Variants in FBXL5 observed in about 807,000 individuals in gnomAD.
The protein encoded by FBXL5 is F-box and leucine rich repeat protein 5.
FBXL5 carries 26 observed loss-of-function variants against 78.3 expected under a neutral mutation model. The ratio of observed to expected loss-of-function variants is 0.33; its 90% CI spans 0.24 to 0.46. The LOEUF is 0.46. Among genes scored for constraint, FBXL5 ranks in the 20% least tolerant of loss-of-function variants. The pLI, the probability that FBXL5 is intolerant of heterozygous loss-of-function variation, is 1.00. For synonymous variants in FBXL5, 295 were observed against 282.5 expected (o/e 1.04, Z -0.45); for missense variants, 710 against 829.2 (o/e 0.86, Z 1.77).
At chr4:15,680,765 G>A (rs1349337441) in intron 1 of FBXL5, among the ~76,000 whole-genome samples, 1 of 151,860 alleles carries the variant, frequency 6.6e-6, no homozygotes, top group East Asian at 1.9e-4. Flanking sequence ...GCTTGAGAAA[G>A]AGAAATGCTG....
chr4:15,623,001 A>G (rs1170987746), intron 9 of FBXL5, among the ~76,000 whole-genome samples: 1 of 152,204 alleles, frequency 6.6e-6, no homozygotes, highest in East Asian at 1.9e-4. Flanking sequence ...AAGGTTGATA[A>G]TATCAGAATT....
chr4:15,654,683 A>T (rs958640296), intron 1 of FBXL5, among the ~76,000 whole-genome samples: 2 of 152,162 alleles, frequency 1.3e-5, no homozygotes, highest in Non-Finnish European at 2.9e-5. Flanking sequence ...TAGCTGGGAG[A>T]CGCTGCAGTT....
intron 5 of FBXL5, among the ~76,000 whole-genome samples, chr4:15,635,914 C>G (rs972568126): frequency 4.6e-5 from 7 of 151,914 alleles, no homozygotes; most frequent in African/African-American, 1.7e-4. Context: ...AAGTAATTTA[C>G]TATAATGATA....
At chr4:15,659,440 T>C (rs1304542551), upstream of FBXL5, among the ~76,000 whole-genome samples, 1 of 152,196 alleles carries the variant, frequency 6.6e-6, no homozygotes, top group Admixed American at 6.5e-5. Context: ...ATTCCTAAAC[T>C]GGGTACTGGG....
upstream of FBXL5, chr4:15,656,198 G>T: frequency 2.2e-6 from 1 of 456,266 alleles, no homozygotes; most frequent in South Asian, 1.5e-5. Context: ...CATTTTAAGC[G>T]GAGGTTCGGA....
chr4:15,609,708 CTT>C (rs986573535), intron 10 of FBXL5, among the ~76,000 whole-genome samples: 2 of 151,980 alleles, frequency 1.3e-5, no homozygotes, highest in African/African-American at 2.4e-5. Context: ...GCTAAGAAGA[CTT>C]TTCAAATCTT....
At chr4:15,655,881 G>A (rs1171928487), upstream of FBXL5, among the ~76,000 whole-genome samples, 2 of 152,216 alleles carry the variant, frequency 1.3e-5, no homozygotes, top group African/African-American at 4.8e-5. Context: ...CTCAAAGGCC[G>A]GGCCTGGCTC....
chr4:15,675,469 C>T (rs1348861370), intron 1 of FBXL5, among the ~76,000 whole-genome samples: 1 of 151,992 alleles, frequency 6.6e-6, no homozygotes, highest in African/African-American at 2.4e-5. Flanking sequence ...CTAACTATTA[C>T]TTTCAAATTC....
chr4:15,608,190 A>C (rs1487771856), intron 10 of FBXL5, among the ~76,000 whole-genome samples: 4 of 152,162 alleles, frequency 2.6e-5, no homozygotes, highest in African/African-American at 4.8e-5. Context: ...CAGTAGCCTA[A>C]GAAAAATATG....
upstream of FBXL5, chr4:15,659,843 G>A (rs1717221206): frequency 2.0e-6 from 1 of 507,746 alleles, no homozygotes; most frequent in Admixed American, 6.4e-5. Context: ...CATGTGTATG[G>A]CCTGAGGGAA....
intron 8 of FBXL5, 79 bp downstream of exon 8, chr4:15,626,794 T>C: frequency 1.0e-6 from 1 of 1,004,462 alleles, no homozygotes; most frequent in South Asian, 1.6e-5. Context: ...AAAATAATAG[T>C]ATGATTAAAC....
Position 15,638,707 on chromosome 4 carries a change from A to T in FBXL5, c.397-13T>A. On this transcript the variant is annotated splice_polypyrimidine_tract_variant and intron_variant, in intron 3 of 10. Coordinates refer to ENST00000341285, the MANE Select transcript of FBXL5 (RefSeq NM_012161.4). ...TGGGCTGAAAAACCTAAATTAAACA[A>T]AATATTCACGAGGAAAGATGCTTCA... The T allele has an allele frequency of 6.6e-7, 1 of 1,516,874 alleles. No individual in the cohort carries two copies. Among genetic ancestry groups the T allele is most frequent in the South Asian group, 1.2e-5 (1 of 85,082 alleles). The allele number at this position is 1,516,874 out of a possible 1,614,324, so 94.0% of individuals were successfully genotyped here.
At chr4:15,635,053 C>G (rs1011635467) in intron 5 of FBXL5, among the ~76,000 whole-genome samples, 1 of 152,086 alleles carries the variant, frequency 6.6e-6, no homozygotes, top group Non-Finnish European at 1.5e-5. Flanking sequence ...TATACGTGGC[C>G]GGGCACGGTG....
At chr4:15,667,921 A>T (rs956025712) in intron 1 of FBXL5, among the ~76,000 whole-genome samples, 1 of 151,934 alleles carries the variant, frequency 6.6e-6, no homozygotes, top group Non-Finnish European at 1.5e-5. Context: ...GGTGCCTGTA[A>T]TCCCAGCTAC....
At chr4:15,636,162 T>C (rs1442126994) in intron 5 of FBXL5, among the ~76,000 whole-genome samples, 1 of 152,162 alleles carries the variant, frequency 6.6e-6, no homozygotes, top group African/African-American at 2.4e-5. Context: ...AACTTTTAAT[T>C]CTGAAAAACA....
At chr4:15,675,303 C>CA (rs143737664) in intron 1 of FBXL5, among the ~76,000 whole-genome samples, 2,427 of 152,092 alleles carry the variant, frequency 0.016, 62 homozygotes, top group African/African-American at 0.055. Flanking sequence ...ATATGGGAAG[C>CA]AAAATACTAG....
upstream of FBXL5, among the ~76,000 whole-genome samples, chr4:15,658,880 G>T (rs900244068): frequency 6.6e-6 from 1 of 152,158 alleles, no homozygotes; most frequent in Non-Finnish European, 1.5e-5. Flanking sequence ...GGACTCCAGA[G>T]ACTTAATTTT....
At position 15,638,533 on chromosome 4, in the gene FBXL5, A is replaced by C; in HGVS notation, c.558T>G (p.Tyr186Ter). 1 of 1,594,736 alleles carries C rather than the reference A, an allele frequency of 6.3e-7. No homozygotes were observed. The highest frequency in any genetic ancestry group is 8.5e-7 in the Non-Finnish European group (1 of 1,175,294). Residue 186 changes from tyrosine to a stop codon, truncating the protein, a stop_gained, in exon 4 of 11, where the codon TAT (tyrosine) becomes TAG (stop). Coordinates refer to ENST00000341285, the MANE Select transcript of FBXL5 (RefSeq NM_012161.4). LOFTEE classifies it high-confidence loss of function. ...CTTTATCTGACTTTTCATCCACGGA[A>C]TATTTAAAAAACTTCTGTCGCTCTT... ...HAEERQKFFK[Y>*]SVDEKSDKEA...
At chr4:15,613,686 C>T (rs1485813696) in intron 9 of FBXL5, among the ~76,000 whole-genome samples, 1 of 152,018 alleles carries the variant, frequency 6.6e-6, no homozygotes, top group Non-Finnish European at 1.5e-5. Flanking sequence ...TCTTCAAGCT[C>T]TGAAGTTCTT....
Sources: allele counts gnomAD v4.1 joint callset (sites outside exome capture counted in the v4.1 genomes callset), GRCh38; gene constraint gnomAD v4.1.1; transcripts MANE v1.5; gene names NCBI Gene and HGNC (gene_info 2026-07-23, HGNC 2026-07-21).